Variants in CABCOCO1 observed in about 807,000 individuals in gnomAD.
CABCOCO1 encodes the protein ciliary-associated calcium-binding coiled-coil protein 1.
Under a neutral mutation model 35.7 loss-of-function variants are expected in CABCOCO1, and 28 were observed. That is an observed-to-expected ratio of 0.78 (90% confidence interval 0.58 to 1.07). CABCOCO1 has a LOEUF of 1.07. Among genes scored for constraint, CABCOCO1 ranks in the 50% least tolerant of loss-of-function variants. CABCOCO1 has a pLI of 0.00. For missense variants in CABCOCO1, 326 were observed against 309.2 expected (o/e 1.05, Z -0.41); for synonymous variants, 95 against 100.1 (o/e 0.95, Z 0.30).
At chr10:61,698,824 A>G (rs10994883) in intron 5 of CABCOCO1, among the ~76,000 whole-genome samples, 60,207 of 151,964 alleles carry the variant, frequency 0.4, 14,233 homozygotes, top group Middle Eastern at 0.53. Flanking sequence ...TAAACAAAAT[A>G]TGAGACTTAC....
At chr10:61,710,813 A>G (rs1377939225) in intron 5 of CABCOCO1, among the ~76,000 whole-genome samples, 1 of 151,832 alleles carries the variant, frequency 6.6e-6, no homozygotes, top group Non-Finnish European at 1.5e-5. Context: ...GGTGGCCAGG[A>G]TCAAGAGGAC....
intron 2 of CABCOCO1, among the ~76,000 whole-genome samples, chr10:61,680,665 GTAT>G (rs1839734843): frequency 8.2e-5 from 5 of 61,280 alleles, no homozygotes; most frequent in African/African-American, 2.6e-4. Flanking sequence ...TGTTATACAT[GTAT>G]AACATATATG....
intron 5 of CABCOCO1, among the ~76,000 whole-genome samples, chr10:61,724,732 T>A (rs1367594079): frequency 6.6e-6 from 1 of 152,164 alleles, no homozygotes; most frequent in Non-Finnish European, 1.5e-5. Context: ...TGAACTTTTT[T>A]AAAAAAGAAA....
intron 5 of CABCOCO1, among the ~76,000 whole-genome samples, chr10:61,749,913 T>G (rs1841744321): frequency 6.6e-6 from 1 of 152,064 alleles, no homozygotes; most frequent in South Asian, 2.1e-4. Flanking sequence ...ATTTATAACG[T>G]GCTTTCTAAC....
intron 2 of CABCOCO1, 95 bp downstream of exon 2, chr10:61,672,830 T>C (rs1384832186): frequency 1.1e-5 from 9 of 818,766 alleles, no homozygotes; most frequent in African/African-American, 1.9e-5. Context: ...TTTTTCACAA[T>C]ATTTGTTATG....
At chr10:61,686,940 C>A (rs1839983461) in intron 4 of CABCOCO1, among the ~76,000 whole-genome samples, 1 of 152,136 alleles carries the variant, frequency 6.6e-6, no homozygotes, top group Admixed American at 6.5e-5. Flanking sequence ...TTTTGTCAAG[C>A]TGAAAGCTTC....
At chr10:61,675,867 A>C (rs1839498595) in intron 2 of CABCOCO1, among the ~76,000 whole-genome samples, 1 of 152,228 alleles carries the variant, frequency 6.6e-6, no homozygotes, top group Non-Finnish European at 1.5e-5. Context: ...ATTTAAGAAA[A>C]CTTACATAAA....
chr10:61,680,652 T>TTATGTTATATATGTATAACATATA (rs1839729175), intron 2 of CABCOCO1, among the ~76,000 whole-genome samples: 4 of 38,046 alleles, frequency 1.1e-4, no homozygotes, highest in Non-Finnish European at 1.9e-4. Context: ...ATAATATATA[T>TTATGTTATATATGTATAACATATA]TATGTTATAC....
intron 5 of CABCOCO1, among the ~76,000 whole-genome samples, chr10:61,725,253 T>C (rs1841117766): frequency 6.6e-6 from 1 of 152,166 alleles, no homozygotes; most frequent in Non-Finnish European, 1.5e-5. Flanking sequence ...GCCATCCCAT[T>C]ACTGGGTACA....
At chr10:61,757,614 G>A (rs1490626286) in intron 5 of CABCOCO1, among the ~76,000 whole-genome samples, 1 of 151,916 alleles carries the variant, frequency 6.6e-6, no homozygotes, top group East Asian at 1.9e-4. Flanking sequence ...AGGTTCTTGG[G>A]AGTTTCACTC....
At chr10:61,742,162 T>A (rs751642840) in intron 5 of CABCOCO1, among the ~76,000 whole-genome samples, 1 of 152,052 alleles carries the variant, frequency 6.6e-6, no homozygotes, top group Non-Finnish European at 1.5e-5. Context: ...GAATTAAGAA[T>A]GCCTTCCAGG....
At chr10:61,708,666 G>A (rs1840653228) in intron 5 of CABCOCO1, among the ~76,000 whole-genome samples, 1 of 152,038 alleles carries the variant, frequency 6.6e-6, no homozygotes, top group Non-Finnish European at 1.5e-5. Flanking sequence ...TGGAGCCATC[G>A]TGACCTAATT....
chr10:61,719,492 C>G (rs532461011), intron 5 of CABCOCO1, among the ~76,000 whole-genome samples: 7 of 152,030 alleles, frequency 4.6e-5, no homozygotes, highest in Non-Finnish European at 8.8e-5. Flanking sequence ...TCCACACACA[C>G]ACATTTTTTT....
At chr10:61,738,392 A>G (rs868617388) in intron 5 of CABCOCO1, among the ~76,000 whole-genome samples, 1 of 152,178 alleles carries the variant, frequency 6.6e-6, no homozygotes, top group Non-Finnish European at 1.5e-5. Flanking sequence ...AAGATAAAAT[A>G]CTGTCAGGTC....
At chr10:61,745,632 G>A (rs1032024125) in intron 5 of CABCOCO1, among the ~76,000 whole-genome samples, 27 of 152,150 alleles carry the variant, frequency 1.8e-4, no homozygotes, top group African/African-American at 6.0e-4. Context: ...CCTATGCCAT[G>A]TTTTGCACAT....
chr10:61,709,952 C>T (rs1049401105), intron 5 of CABCOCO1, among the ~76,000 whole-genome samples: 5 of 151,808 alleles, frequency 3.3e-5, no homozygotes, highest in Non-Finnish European at 7.4e-5. Context: ...AGAGGGAGAA[C>T]GACTTGAATT....
At chr10:61,675,677 G>T (rs1243365287) in intron 2 of CABCOCO1, among the ~76,000 whole-genome samples, 1 of 151,842 alleles carries the variant, frequency 6.6e-6, no homozygotes, top group African/African-American at 2.4e-5. Context: ...AGAAGAAAAT[G>T]TTAGATTAAA....
chr10:61,746,176 A>G (rs1272937674), intron 5 of CABCOCO1, among the ~76,000 whole-genome samples: 3 of 152,200 alleles, frequency 2.0e-5, no homozygotes, highest in African/African-American at 7.2e-5. Context: ...CAATAAATAT[A>G]TTAATAAAAT....
At chr10:61,733,890 A>G (rs1841358339) in intron 5 of CABCOCO1, among the ~76,000 whole-genome samples, 1 of 152,112 alleles carries the variant, frequency 6.6e-6, no homozygotes, top group Non-Finnish European at 1.5e-5. Flanking sequence ...TTACAGATTT[A>G]TGTAATAAAA....
Sources: gnomAD v4.1 joint callset for allele counts (sites outside exome capture counted in the v4.1 genomes callset) on GRCh38, gnomAD v4.1.1 for gene constraint, MANE v1.5 for transcripts, NCBI Gene and HGNC (gene_info 2026-07-23, HGNC 2026-07-21) for gene names.